Variants in ALDH1A2 observed in about 807,000 individuals in gnomAD.
ALDH1A2 encodes aldehyde dehydrogenase 1 family member A2.
In ALDH1A2, 27 loss-of-function variants were observed where a neutral mutation model predicts 60.3. The ratio of observed to expected loss-of-function variants is 0.45; its 90% CI spans 0.33 to 0.62. The LOEUF is 0.62. Among genes scored for constraint, ALDH1A2 ranks in the 20% least tolerant of loss-of-function variants. The pLI, the probability that ALDH1A2 is intolerant of heterozygous loss-of-function variation, is 0.02. For missense variants in ALDH1A2, 581 were observed against 643.8 expected (o/e 0.90, Z 1.06); for synonymous variants, 289 against 232.4 (o/e 1.24, Z -2.21).
At chr15:57,962,348 T>C (rs1171687570) in intron 9 of ALDH1A2, among the ~76,000 whole-genome samples, 172 bp from the exon 10 acceptor site, 1 of 152,206 alleles carries the variant, frequency 6.6e-6, no homozygotes, top group East Asian at 1.9e-4. Flanking sequence ...AAACTGGCAA[T>C]TTTGTATGGT....
intron 1 of ALDH1A2, among the ~76,000 whole-genome samples, chr15:58,032,102 A>C (rs1182823382): frequency 1.3e-5 from 2 of 152,138 alleles, no homozygotes; most frequent in Admixed American, 6.5e-5. Context: ...CTTGGAACCA[A>C]CCCAAATGTC....
chr15:58,015,954 CAG>C (rs1895776934), intron 1 of ALDH1A2, among the ~76,000 whole-genome samples: 17 of 152,082 alleles, frequency 1.1e-4, no homozygotes, highest in Admixed American at 1.1e-3. Context: ...CCTTTGAACA[CAG>C]TATAAAGTCC....
chr15:58,033,746 T>C (rs6493977), intron 1 of ALDH1A2, among the ~76,000 whole-genome samples: 68,022 of 148,532 alleles, frequency 0.46, 16,035 homozygotes, highest in Non-Finnish European at 0.53. Flanking sequence ...GAAAAGACAA[T>C]CCTTTCTCCA....
chr15:58,011,682 C>T (rs1168984198), intron 3 of ALDH1A2, among the ~76,000 whole-genome samples: 1 of 152,086 alleles, frequency 6.6e-6, no homozygotes, highest in African/African-American at 2.4e-5. Flanking sequence ...GATGAAAATA[C>T]TATGACTTCC....
At chr15:57,979,922 T>C in intron 7 of ALDH1A2, 7 of 359,332 alleles carry the variant, frequency 1.9e-5, no homozygotes, top group Non-Finnish European at 3.4e-5. Context: ...ATGGAGGAAT[T>C]ACCACACTTG....
intron 1 of ALDH1A2, among the ~76,000 whole-genome samples, chr15:58,055,200 A>T (rs1179226318): frequency 6.6e-6 from 1 of 152,068 alleles, no homozygotes; most frequent in Admixed American, 6.6e-5. Context: ...GAGCCTGAAA[A>T]AACTAACTTT....
intron 1 of ALDH1A2, among the ~76,000 whole-genome samples, chr15:58,048,129 C>T (rs962069046): frequency 1.3e-5 from 2 of 151,912 alleles, no homozygotes; most frequent in Non-Finnish European, 2.9e-5. Context: ...CTAGAAAAGG[C>T]TGCTAACTAG....
rs551554262 is a variant in ALDH1A2 at position 58,014,124 on chromosome 15, G to C, written c.222+53C>G. On this transcript the variant is annotated intron_variant, in intron 2 of 12. Transcript: ENST00000249750. ...ACTGAGAGCATATGTTTGCTGCTCT[G>C]CTGTTTGAAGGCAGTTATTTCATAG... 1.7e-5 allele frequency: 28 copies of C among 1,614,002 alleles called. No homozygotes were observed. In the South Asian group the frequency reaches 2.4e-4, roughly 14 times the overall value.
rs140627062 is a variant in ALDH1A2 at position 57,962,920 on chromosome 15, A to G, written c.1087-744T>C. On this transcript the variant is annotated intron_variant, in intron 9 of 12. Coordinates refer to ENST00000249750, the MANE Select transcript of ALDH1A2 (RefSeq NM_003888.4). ...AATTCTCAGAACCTGTCTACAGATT[A>G]AAACCAGAATTCCCTTTAGAAATAT... Among the ~76,000 whole-genome samples, 293 of 152,332 alleles carry G rather than the reference A, an allele frequency of 1.9e-3. 3 individuals are homozygous for G. Among genetic ancestry groups the G allele is most frequent in the Non-Finnish European group, 4.1e-4 (28 of 68,036 alleles).
intron 7 of ALDH1A2, among the ~76,000 whole-genome samples, chr15:57,977,791 A>C (rs946643350): frequency 6.6e-6 from 1 of 152,216 alleles, no homozygotes; most frequent in African/African-American, 2.4e-5. Flanking sequence ...TTGAATTTAT[A>C]AATTACTTTG....
At chr15:57,974,243 C>T (rs1894164734) in intron 7 of ALDH1A2, among the ~76,000 whole-genome samples, 1 of 151,918 alleles carries the variant, frequency 6.6e-6, no homozygotes, top group Non-Finnish European at 1.5e-5. Flanking sequence ...ACCATCCTGG[C>T]TAACATGGTG....
At chr15:57,958,327 C>T (rs1246637763) in intron 12 of ALDH1A2, among the ~76,000 whole-genome samples, 1 of 152,226 alleles carries the variant, frequency 6.6e-6, no homozygotes, top group African/African-American at 2.4e-5. Flanking sequence ...GAATTCTTTC[C>T]ATCTCCTCAG....
At chr15:58,047,630 A>G (rs927399085) in intron 1 of ALDH1A2, among the ~76,000 whole-genome samples, 1 of 152,012 alleles carries the variant, frequency 6.6e-6, no homozygotes, top group Non-Finnish European at 1.5e-5. Flanking sequence ...AACTTTGAAA[A>G]AAATTAGCCC....
At chr15:58,017,025 C>G (rs958153957) in intron 1 of ALDH1A2, among the ~76,000 whole-genome samples, 1 of 152,108 alleles carries the variant, frequency 6.6e-6, no homozygotes, top group Non-Finnish European at 1.5e-5. Context: ...AAGGCAGAGA[C>G]AGAGCACTTG....
At chr15:58,013,738 C>A (rs1203853366) in intron 3 of ALDH1A2, 120 bp downstream of exon 3, 1 of 1,354,350 alleles carries the variant, frequency 7.4e-7, no homozygotes, top group Non-Finnish European at 9.9e-7. Context: ...GGCGACAGAG[C>A]TAGACTCCGT....
chr15:58,056,628 G>A (rs973180113), intron 1 of ALDH1A2, among the ~76,000 whole-genome samples: 4 of 151,974 alleles, frequency 2.6e-5, no homozygotes, highest in Non-Finnish European at 5.9e-5. Flanking sequence ...GTTACAAGAG[G>A]AAAGAAAATG....
intron 1 of ALDH1A2, among the ~76,000 whole-genome samples, chr15:58,033,051 A>G (rs982510641): frequency 1.3e-5 from 2 of 152,030 alleles, no homozygotes. Context: ...GAAGAGAGGT[A>G]GGTTAAAGGA....
intron 12 of ALDH1A2, 140 bp from the exon 13 acceptor site, chr15:57,955,409 T>C (rs1027401549): frequency 1.2e-6 from 1 of 819,286 alleles, no homozygotes; most frequent in Admixed American, 1.9e-5. Context: ...TCCTCACGTA[T>C]GCGCAGCCCA....
chr15:58,032,452 A>C (rs1248498702), intron 1 of ALDH1A2, among the ~76,000 whole-genome samples: 3 of 152,140 alleles, frequency 2.0e-5, no homozygotes, highest in African/African-American at 4.8e-5. Flanking sequence ...ACATGTATAC[A>C]TATGTAACAA....
Sources: allele counts gnomAD v4.1 joint callset (sites outside exome capture counted in the v4.1 genomes callset), GRCh38; gene constraint gnomAD v4.1.1; transcripts MANE v1.5; gene names NCBI Gene and HGNC (gene_info 2026-07-23, HGNC 2026-07-21).